Variants in MGAT4C observed in about 807,000 individuals in gnomAD.
MGAT4C encodes the protein MGAT4 family member C.
MGAT4C carries 19 observed loss-of-function variants against 40.1 expected under a neutral mutation model. That is an observed-to-expected ratio of 0.47 (90% CI 0.33 to 0.70). MGAT4C has a LOEUF of 0.70. Among genes scored for constraint, MGAT4C ranks in the 30% least tolerant of loss-of-function variants. The pLI, the probability that MGAT4C is intolerant of heterozygous loss-of-function variation, is 0.02. For missense variants in MGAT4C, 491 were observed against 563.2 expected (o/e 0.87, Z 1.30); for synonymous variants, 181 against 187.1 (o/e 0.97, Z 0.27).
At chr12:86,660,511 T>A (rs1321014728) in intron 2 of MGAT4C, among the ~76,000 whole-genome samples, 4 of 152,142 alleles carry the variant, frequency 2.6e-5, no homozygotes, top group African/African-American at 9.7e-5. Flanking sequence ...GATCTGGAGT[T>A]CAGGAAAGAG....
chr12:86,518,375 G>T (rs943634306), intron 2 of MGAT4C, among the ~76,000 whole-genome samples: 2 of 152,056 alleles, frequency 1.3e-5, no homozygotes, highest in Non-Finnish European at 2.9e-5. Context: ...TAAAGAAATA[G>T]GCAAAATATT....
intron 1 of MGAT4C, among the ~76,000 whole-genome samples, chr12:86,051,842 T>C (rs1892925572): frequency 6.6e-6 from 1 of 151,460 alleles, no homozygotes; most frequent in Admixed American, 6.6e-5. Flanking sequence ...CTGTCTCCTT[T>C]CTGAAGCATT....
chr12:86,310,159 T>A (rs973069712), intron 4 of MGAT4C, among the ~76,000 whole-genome samples: 1 of 152,076 alleles, frequency 6.6e-6, no homozygotes, highest in African/African-American at 2.4e-5. Context: ...ACTCAATTTT[T>A]TTTTTTTTTG....
intron 2 of MGAT4C, among the ~76,000 whole-genome samples, chr12:86,536,522 T>C (rs1959071394): frequency 6.6e-6 from 1 of 152,048 alleles, no homozygotes; most frequent in Non-Finnish European, 1.5e-5. Context: ...TCAAACAAAA[T>C]CCAGAAGTCA....
intron 2 of MGAT4C, among the ~76,000 whole-genome samples, chr12:86,467,745 A>G (rs925187294): frequency 6.6e-6 from 1 of 152,102 alleles, no homozygotes; most frequent in Non-Finnish European, 1.5e-5. Flanking sequence ...CTTTCTCTTC[A>G]ATTAAGAAAT....
chr12:86,614,838 AT>A (rs1281171661), intron 2 of MGAT4C, among the ~76,000 whole-genome samples: 1 of 151,962 alleles, frequency 6.6e-6, no homozygotes, highest in African/African-American at 2.4e-5. Context: ...ATCTAATTTA[AT>A]TTTGGAAATT....
chr12:86,624,256 A>G (rs1962729278), intron 2 of MGAT4C, among the ~76,000 whole-genome samples: 1 of 152,202 alleles, frequency 6.6e-6, no homozygotes, highest in Non-Finnish European at 1.5e-5. Context: ...CCCAACATAT[A>G]CAAGGGAATC....
At chr12:86,221,021 G>A (rs980044315) in intron 1 of MGAT4C, among the ~76,000 whole-genome samples, 1 of 152,120 alleles carries the variant, frequency 6.6e-6, no homozygotes, top group African/African-American at 2.4e-5. Context: ...GATTGCTTTG[G>A]ACTACCTGTT....
At chr12:86,603,454 CTATA>C (rs564160119) in intron 2 of MGAT4C, among the ~76,000 whole-genome samples, 1,257 of 113,502 alleles carry the variant, frequency 0.011, 28 homozygotes, top group African/African-American at 0.044. Context: ...AGTCTATAGA[CTATA>C]TAATATATAC....
chr12:86,579,650 T>C (rs1960703602), intron 2 of MGAT4C, among the ~76,000 whole-genome samples: 1 of 151,584 alleles, frequency 6.6e-6, no homozygotes. Flanking sequence ...GCTGTGAGTC[T>C]TGTACCTTCA....
chr12:86,205,600 T>C (rs1950220019), intron 1 of MGAT4C, among the ~76,000 whole-genome samples: 1 of 151,922 alleles, frequency 6.6e-6, no homozygotes, highest in Non-Finnish European at 1.5e-5. Flanking sequence ...TATTAGTATA[T>C]ATAACTTAAA....
At chr12:86,369,434 G>A (rs1454259333) in intron 3 of MGAT4C, among the ~76,000 whole-genome samples, 2 of 151,414 alleles carry the variant, frequency 1.3e-5, no homozygotes, top group Non-Finnish European at 3.0e-5. Context: ...CTTCTTTTGT[G>A]TTTTGATAAT....
chr12:86,763,444 T>C (rs1248234558), intron 1 of MGAT4C, among the ~76,000 whole-genome samples: 1 of 152,122 alleles, frequency 6.6e-6, no homozygotes, highest in Non-Finnish European at 1.5e-5. Flanking sequence ...ATCATATTAA[T>C]GTGTTTCACT....
At chr12:86,291,805 G>T (rs117504449) in intron 4 of MGAT4C, among the ~76,000 whole-genome samples, 1 of 86,944 alleles carries the variant, frequency 1.2e-5, no homozygotes, top group South Asian at 5.9e-4. Context: ...CAAAGATTCC[G>T]GAAATAAACT....
intron 3 of MGAT4C, among the ~76,000 whole-genome samples, chr12:85,988,297 A>C (rs1486037465): frequency 2.6e-5 from 4 of 152,172 alleles, no homozygotes; most frequent in Non-Finnish European, 1.5e-5. Flanking sequence ...TAAAGGATGC[A>C]AGATGTTTTA....
At chr12:86,500,496 T>G (rs2136333208) in intron 2 of MGAT4C, among the ~76,000 whole-genome samples, 1 of 150,380 alleles carries the variant, frequency 6.6e-6, no homozygotes, top group African/African-American at 2.4e-5. Flanking sequence ...AATGAAAAAT[T>G]TCTTTTGAAA....
intron 2 of MGAT4C, among the ~76,000 whole-genome samples, chr12:86,683,603 T>C: frequency 6.6e-6 from 1 of 152,126 alleles, no homozygotes; most frequent in Non-Finnish European, 1.5e-5. Context: ...ATCCTCACCA[T>C]GACTCACCAC....
chr12:86,708,594 G>T (rs190531737), intron 2 of MGAT4C, among the ~76,000 whole-genome samples: 53 of 152,200 alleles, frequency 3.5e-4, no homozygotes, highest in African/African-American at 1.2e-3. Flanking sequence ...GACACTCAGC[G>T]CTAGCCTTTG....
chr12:86,380,155 T>G (rs903681153), intron 3 of MGAT4C, among the ~76,000 whole-genome samples: 4 of 152,130 alleles, frequency 2.6e-5, no homozygotes, highest in Non-Finnish European at 4.4e-5. Context: ...TTTAAATTGG[T>G]TCTGCTTAAT....
Sources: gnomAD v4.1 joint callset for allele counts (sites outside exome capture counted in the v4.1 genomes callset) on GRCh38, gnomAD v4.1.1 for gene constraint, MANE v1.5 for transcripts, NCBI Gene and HGNC (gene_info 2026-07-23, HGNC 2026-07-21) for gene names.